Variants in TGFB2 observed in about 807,000 individuals in gnomAD.
TGFB2 encodes the protein transforming growth factor beta-2 proprotein.
Under a neutral mutation model 42.7 loss-of-function variants are expected in TGFB2, and 13 were observed. The observed-to-expected ratio is 0.30, with a 90% CI of 0.20 to 0.48. TGFB2 has a LOEUF of 0.48. Among genes scored for constraint, TGFB2 ranks in the 20% least tolerant of loss-of-function variants. The pLI, the probability that TGFB2 is intolerant of heterozygous loss-of-function variation, is 0.99. For missense variants in TGFB2, 390 were observed against 517.5 expected (o/e 0.75, Z 2.39); for synonymous variants, 193 against 193.6 (o/e 1.00, Z 0.03).
At chr1:218,437,275 T>C in intron 5 of TGFB2, 68 bp from the exon 6 acceptor site, 1 of 1,433,198 alleles carries the variant, frequency 7.0e-7, no homozygotes, top group African/African-American at 1.4e-5. Context: ...TGGGGTGAGG[T>C]GGTGGTAGAG....
intron 5 of TGFB2, 47 bp downstream of exon 5, chr1:218,436,194 T>A (rs777766017): frequency 1.3e-6 from 2 of 1,584,386 alleles, no homozygotes; most frequent in Non-Finnish European, 8.6e-7. Context: ...TGTTAACTCT[T>A]AAACTGCCTT....
rs1050795233 is a variant in TGFB2, at chr1:218,413,170, A to G, written c.510+7838A>G. Among the ~76,000 whole-genome samples, 42 of 152,136 alleles carry G rather than the reference A, an allele frequency of 2.8e-4. 1 individual carries two copies. The highest frequency in any genetic ancestry group is 2.3e-3 in the East Asian group (12 of 5,144). ...GTGGATTGCTTGAGCCCAGGAGTTC[A>G]AGACCAGCCTGGGCAACATGGTGAA... On this transcript the variant is annotated intron_variant, in intron 2 of 6. Transcript: ENST00000366930.
intron 1 of TGFB2, among the ~76,000 whole-genome samples, chr1:218,400,320 C>G (rs570456852): frequency 6.6e-6 from 1 of 152,246 alleles, no homozygotes; most frequent in Non-Finnish European, 1.5e-5. Flanking sequence ...CTCCAACTGT[C>G]ACGGTGTTTT....
chr1:218,365,573 C>T (rs1356205952), intron 1 of TGFB2, among the ~76,000 whole-genome samples: 7 of 151,990 alleles, frequency 4.6e-5, no homozygotes, highest in Non-Finnish European at 5.9e-5. Context: ...GTGGGAGGCT[C>T]TTCCACCTTG....
At chr1:218,397,855 T>C (rs1031757874) in intron 1 of TGFB2, among the ~76,000 whole-genome samples, 2 of 152,120 alleles carry the variant, frequency 1.3e-5, no homozygotes, top group Non-Finnish European at 2.9e-5. Context: ...AATCGGTGAG[T>C]ACCTCAGGCA....
At chr1:218,413,097 C>T (rs1207237508) in intron 2 of TGFB2, among the ~76,000 whole-genome samples, 5 of 152,162 alleles carry the variant, frequency 3.3e-5, no homozygotes, top group African/African-American at 9.7e-5. Context: ...AGAGGCTGGG[C>T]GCGGTGGCTC....
intron 1 of TGFB2, chr1:218,363,445 C>T (rs754390264): frequency 3.6e-5 from 57 of 1,592,850 alleles, no homozygotes; most frequent in Non-Finnish European, 4.6e-5. Flanking sequence ...CTTTATTCCT[C>T]GTTTGACATA....
intron 2 of TGFB2, among the ~76,000 whole-genome samples, chr1:218,417,023 A>T (rs1659304053): frequency 1.3e-5 from 2 of 152,228 alleles, no homozygotes; most frequent in African/African-American, 2.4e-5. Context: ...GTCTTGCAGC[A>T]GTGCGAAAAT....
At chr1:218,360,372 A>C (rs575872447) in intron 1 of TGFB2, among the ~76,000 whole-genome samples, 1 of 152,240 alleles carries the variant, frequency 6.6e-6, no homozygotes, top group South Asian at 2.1e-4. Context: ...GCGAAGTTTT[A>C]ATTCTAGGAC....
chr1:218,352,716 G>C lies in TGFB2; in HGVS notation c.346+5669G>C, dbSNP rs79384236. Among the ~76,000 whole-genome samples, 10 of 152,278 alleles carry C rather than the reference G, an allele frequency of 6.6e-5. No individual in the cohort carries two copies. In the East Asian group the frequency reaches 1.7e-3, roughly 27 times the overall value. The stretch of plus-strand genomic sequence containing the variant: ...CTTCCTGAATTGGCTTGGTGGTCTT[G>C]ACTCTGAATGAAACTGCCCCTTGGC... On this transcript the variant is annotated intron_variant, in intron 1 of 6. Transcript: ENST00000366930.
At chr1:218,356,086 A>G (rs1657023498) in intron 1 of TGFB2, among the ~76,000 whole-genome samples, 1 of 152,234 alleles carries the variant, frequency 6.6e-6, no homozygotes, top group African/African-American at 2.4e-5. Flanking sequence ...CCATCTGTGG[A>G]ATCAAGAACA....
Position 218,437,351 on chromosome 1 carries a change from A to G in TGFB2, c.941A>G (p.Gln314Arg). ...TTTTTTTTTTTTAACAGAAATGTGCAGGATAATTGCTGCCTACGTCCACTT... is the reference window on the plus strand; with the variant it reads ...TTTTTTTTTTTTAACAGAAATGTGCGGGATAATTGCTGCCTACGTCCACTT... ...LDAAYCFRNV[Q>R]DNCCLRPLYI... Residue 314 changes from glutamine to arginine, a missense_variant, in exon 6 of 7, where the codon CAG becomes CGG. Coordinates refer to ENST00000366930, the MANE Select transcript of TGFB2 (RefSeq NM_003238.6). The G allele has an allele frequency of 6.3e-7, 1 of 1,583,042 alleles. No homozygotes were observed. The highest frequency in any genetic ancestry group is 8.6e-7 in the Non-Finnish European group (1 of 1,169,058).
chr1:218,363,521 C>T (rs1381955675), intron 1 of TGFB2: 1 of 1,160,980 alleles, frequency 8.6e-7, no homozygotes, highest in East Asian at 2.4e-5. Flanking sequence ...AGATGAGATT[C>T]TGAAATGCAG....
chr1:218,434,955 A>T (rs1019734352), intron 4 of TGFB2, among the ~76,000 whole-genome samples: 4 of 152,176 alleles, frequency 2.6e-5, no homozygotes, highest in Admixed American at 2.6e-4. Context: ...TGGGTTCCTT[A>T]TCAGAATTTT....
At chr1:218,364,092 G>A (rs560800730) in intron 1 of TGFB2, among the ~76,000 whole-genome samples, 1 of 152,344 alleles carries the variant, frequency 6.6e-6, no homozygotes, top group East Asian at 1.9e-4. Flanking sequence ...GCCCAGGGAA[G>A]CTGAAAGATT....
chr1:218,411,541 C>T (rs1254809358), intron 2 of TGFB2, among the ~76,000 whole-genome samples: 2 of 152,076 alleles, frequency 1.3e-5, no homozygotes. Context: ...CTCAGGTGTG[C>T]AAATGTCTAA....
chr1:218,364,266 C>A (rs960430334), intron 1 of TGFB2, among the ~76,000 whole-genome samples: 7 of 152,354 alleles, frequency 4.6e-5, no homozygotes, highest in African/African-American at 1.7e-4. Flanking sequence ...CCACTTAGCC[C>A]TGACCCTCGG....
intron 1 of TGFB2, among the ~76,000 whole-genome samples, chr1:218,373,121 T>C (rs2102556391): frequency 6.6e-6 from 1 of 152,196 alleles, no homozygotes; most frequent in African/African-American, 2.4e-5. Context: ...GAGGTTGTGG[T>C]GAGCTGAGAT....
At chr1:218,362,868 G>T (rs1209981352) in intron 1 of TGFB2, among the ~76,000 whole-genome samples, 1 of 152,184 alleles carries the variant, frequency 6.6e-6, no homozygotes, top group African/African-American at 2.4e-5. Flanking sequence ...TCAAGAAGGA[G>T]TTTTCACATG....
Sources: allele counts gnomAD v4.1 joint callset (sites outside exome capture counted in the v4.1 genomes callset), GRCh38; gene constraint gnomAD v4.1.1; transcripts MANE v1.5; gene names NCBI Gene and HGNC (gene_info 2026-07-23, HGNC 2026-07-21).